Variants in ANKFN1 observed in about 807,000 individuals in gnomAD.
The protein encoded by ANKFN1 is ankyrin repeat and fibronectin type III domain containing 1.
Under a neutral mutation model 108.7 loss-of-function variants are expected in ANKFN1, and 74 were observed. The observed-to-expected ratio is 0.68, with a 90% CI of 0.56 to 0.83. The LOEUF (loss-of-function observed/expected upper bound fraction) is 0.83. ANKFN1 is among the 40% of genes least tolerant of loss of function. The probability of loss-of-function intolerance (pLI) is 0.00; values close to 1 mark genes in which losing one functional copy is unlikely to be tolerated. For synonymous variants in ANKFN1, 547 were observed against 516.2 expected (o/e 1.06, Z -0.81); for missense variants, 1,505 against 1,382.3 (o/e 1.09, Z -1.41).
intron 3 of ANKFN1, among the ~76,000 whole-genome samples, chr17:56,279,493 G>A (rs1598345135): frequency 6.6e-6 from 1 of 152,138 alleles, no homozygotes; most frequent in Non-Finnish European, 1.5e-5. Flanking sequence ...TTTATAGCTC[G>A]AAAATTGACA....
At chr17:56,148,188 G>T (rs1427861258) in intron 4 of ANKFN1, among the ~76,000 whole-genome samples, 1 of 152,180 alleles carries the variant, frequency 6.6e-6, no homozygotes, top group Non-Finnish European at 1.5e-5. Context: ...AGCATTAGAG[G>T]ACTTGATCAA....
At chr17:56,343,103 A>G (rs1229373464) in intron 4 of ANKFN1, among the ~76,000 whole-genome samples, 2 of 152,140 alleles carry the variant, frequency 1.3e-5, no homozygotes, top group African/African-American at 4.8e-5. Context: ...CTGTTTTGCC[A>G]GATAGTAGGA....
chr17:56,400,336 G>T (rs2047721995), intron 8 of ANKFN1, among the ~76,000 whole-genome samples: 1 of 152,110 alleles, frequency 6.6e-6, no homozygotes, highest in African/African-American at 2.4e-5. Context: ...CTGATCATTA[G>T]TGTTGTTGAG....
At chr17:56,225,181 C>T (rs1482284173) in intron 2 of ANKFN1, among the ~76,000 whole-genome samples, 2 of 152,132 alleles carry the variant, frequency 1.3e-5, no homozygotes, top group African/African-American at 4.8e-5. Flanking sequence ...CAGGGTCTTG[C>T]ACTCAGTGAT....
At chr17:56,279,103 G>C (rs528569473) in intron 3 of ANKFN1, among the ~76,000 whole-genome samples, 1 of 152,174 alleles carries the variant, frequency 6.6e-6, no homozygotes, top group Non-Finnish European at 1.5e-5. Flanking sequence ...CAGTGCTAAT[G>C]AGAATATACC....
intron 3 of ANKFN1, among the ~76,000 whole-genome samples, chr17:56,298,458 T>C (rs2044578589): frequency 6.6e-6 from 1 of 152,272 alleles, no homozygotes; most frequent in Non-Finnish European, 1.5e-5. Context: ...GATTTATTCA[T>C]GCATCTTCAG....
chr17:56,182,188 A>G (rs948565153), intron 1 of ANKFN1, among the ~76,000 whole-genome samples: 2 of 152,276 alleles, frequency 1.3e-5, no homozygotes, highest in South Asian at 4.1e-4. Context: ...TTAGTGTTCA[A>G]GTTAAAGGAA....
intron 8 of ANKFN1, among the ~76,000 whole-genome samples, chr17:56,388,681 T>G (rs1238421399): frequency 6.6e-6 from 1 of 152,204 alleles, no homozygotes; most frequent in East Asian, 1.9e-4. Context: ...TCTCTTCTAC[T>G]TTATTTACAA....
At chr17:56,435,394 T>C (rs1253366845) in intron 8 of ANKFN1, among the ~76,000 whole-genome samples, 3 of 152,202 alleles carry the variant, frequency 2.0e-5, no homozygotes, top group Non-Finnish European at 2.9e-5. Context: ...AAGTACAATG[T>C]GTGAGACATA....
In ANKFN1 at chr17:56,314,296, G is replaced by A. The variant is rs1458314029; in HGVS notation, c.54-11925G>A. On this transcript the variant is annotated intron_variant, in intron 3 of 20. Coordinates refer to ENST00000682825, the MANE Select transcript of ANKFN1 (RefSeq NM_001370326.1). ...TTCTTGTGGGTAGAACCCAGAAGTC[G>A]AAGTGCCGAGTCATAAGGTATATTA... 7.9e-5 allele frequency among the ~76,000 whole-genome samples: 12 copies of A among 152,064 alleles called. No homozygotes were observed. In the East Asian group the frequency reaches 1.3e-3, roughly 17 times the overall value.
chr17:56,440,628 C>T (rs922260811), intron 9 of ANKFN1, among the ~76,000 whole-genome samples: 7 of 152,080 alleles, frequency 4.6e-5, no homozygotes, highest in East Asian at 1.9e-4. Context: ...TATAAACTGT[C>T]GTGTTCTAAG....
At chr17:56,272,249 C>T (rs188598141) in intron 3 of ANKFN1, among the ~76,000 whole-genome samples, 109 of 152,220 alleles carry the variant, frequency 7.2e-4, no homozygotes, top group African/African-American at 2.6e-3. Context: ...CATTCATCTC[C>T]AGAACTATTT....
intron 1 of ANKFN1, among the ~76,000 whole-genome samples, chr17:56,177,349 G>C (rs896885619): frequency 4.6e-5 from 7 of 152,174 alleles, no homozygotes; most frequent in African/African-American, 1.7e-4. Context: ...ATGGAATTTT[G>C]GTTTCCCAGC....
chr17:56,335,545 T>G (rs1366349459), intron 4 of ANKFN1, among the ~76,000 whole-genome samples: 4 of 152,216 alleles, frequency 2.6e-5, no homozygotes, highest in African/African-American at 9.6e-5. Context: ...GGAATGCTTG[T>G]GATTTTTGCA....
At chr17:56,376,895 G>A (rs1260823788) in intron 8 of ANKFN1, among the ~76,000 whole-genome samples, 2 of 152,156 alleles carry the variant, frequency 1.3e-5, no homozygotes, top group Non-Finnish European at 2.9e-5. Context: ...ATTTAAAACA[G>A]CTGGCAGCCT....
At chr17:56,508,923 G>A (rs2051657524) in intron 20 of ANKFN1, among the ~76,000 whole-genome samples, 1 of 152,144 alleles carries the variant, frequency 6.6e-6, no homozygotes, top group Admixed American at 6.5e-5. Context: ...TCTTCATTGT[G>A]AATGAATGGA....
chr17:56,357,818 A>G lies in ANKFN1; in HGVS notation c.601+3772A>G, dbSNP rs530887863. ...GAGGAAAATTAATGATGAGGTCTGA[A>G]GTTCTTAGAGTGTTTTACACCTACA... On this transcript the variant is annotated intron_variant, in intron 6 of 20. Coordinates refer to ENST00000682825, the MANE Select transcript of ANKFN1 (RefSeq NM_001370326.1). Among the ~76,000 whole-genome samples the G allele has an allele frequency of 5.9e-5, 9 of 152,264 alleles. No homozygotes were observed. In the South Asian group the frequency reaches 1.9e-3, roughly 32 times the overall value.
Position 56,481,082 on chromosome 17 carries a change from C to CAAAAA in ANKFN1, c.2091+282_2091+286dup, listed in dbSNP as rs11439875. On this transcript the variant is annotated intron_variant, in intron 17 of 20. Transcript: ENST00000682825. ...CCCCACTGTACTATGGTCTGGTCAG[C>CAAAAA]AAAAAAAAAAAAAAAAAAAAAATCA... Among the ~76,000 whole-genome samples, 28 of 65,824 alleles carry CAAAAA rather than the reference C, an allele frequency of 4.3e-4. 1 individual carries two copies. The highest frequency in any genetic ancestry group is 9.7e-4 in the East Asian group (2 of 2,068). 43.2% of individuals were successfully genotyped at this position (65,824 alleles called of 152,430 possible).
At chr17:56,362,438 T>C (rs768233274) in intron 6 of ANKFN1, among the ~76,000 whole-genome samples, 5 of 152,106 alleles carry the variant, frequency 3.3e-5, no homozygotes, top group Non-Finnish European at 7.4e-5. Context: ...AGCCCAGAAA[T>C]GAAACCATGA....
Sources: gnomAD v4.1 joint callset for allele counts (sites outside exome capture counted in the v4.1 genomes callset) on GRCh38, gnomAD v4.1.1 for gene constraint, MANE v1.5 for transcripts, NCBI Gene and HGNC (gene_info 2026-07-23, HGNC 2026-07-21) for gene names.